Variants in NLGN4Y observed in about 807,000 individuals in gnomAD.
The protein encoded by NLGN4Y is neuroligin 4 Y-linked.
NLGN4Y carries 4 observed loss-of-function variants against 8.4 expected under a neutral mutation model. The observed-to-expected ratio is 0.48, with a 90% CI of 0.23 to 1.09. The LOEUF (loss-of-function observed/expected upper bound fraction) is 1.09, where lower values mean the gene tolerates loss of function less well. Ranked by LOEUF, NLGN4Y falls within the 50% of genes least tolerant of loss-of-function variation. NLGN4Y has a pLI of 0.19. For missense variants in NLGN4Y, 90 were observed against 192.3 expected (o/e 0.47, Z 3.15); for synonymous variants, 35 against 75.6 (o/e 0.46, Z 2.78).
At chrY:14,821,474 A>C (rs781477145) in intron 4 of NLGN4Y, among the ~76,000 whole-genome samples, 28 of 33,684 alleles carry the variant, frequency 8.3e-4, no homozygotes, top group African/African-American at 3.2e-3. Context: ...CTTTTAGGTT[A>C]TTATAGAGTG....
At chrY:14,573,669 G>T (rs2080284249) in intron 1 of NLGN4Y, among the ~76,000 whole-genome samples, 1 of 33,198 alleles carries the variant, frequency 3.0e-5, no homozygotes, top group Non-Finnish European at 7.4e-5. Flanking sequence ...TGCTTTTGTA[G>T]TTCTTTTAAT....
intron 4 of NLGN4Y, among the ~76,000 whole-genome samples, chrY:14,793,087 G>A (rs746863781): frequency 9.3e-5 from 3 of 32,357 alleles, no homozygotes; most frequent in East Asian, 8.0e-4. Flanking sequence ...GGAAATTCAC[G>A]ATCTCTTCTT....
intron 2 of NLGN4Y, among the ~76,000 whole-genome samples, chrY:14,677,714 T>C: frequency 6.2e-5 from 2 of 32,483 alleles, no homozygotes; most frequent in South Asian, 1.4e-3. Context: ...TTTTTGGCCT[T>C]TATTTTTTTA....
intron 2 of NLGN4Y, among the ~76,000 whole-genome samples, chrY:14,696,889 C>A (rs578005557): frequency 2.1e-4 from 7 of 32,609 alleles, no homozygotes; most frequent in Non-Finnish European, 3.7e-4. Flanking sequence ...CCTATCCTCA[C>A]GCATAACAAT....
intron 4 of NLGN4Y, among the ~76,000 whole-genome samples, chrY:14,726,201 T>G: frequency 2.9e-5 from 1 of 33,998 alleles, no homozygotes; most frequent in African/African-American, 1.1e-4. Context: ...TTCTTCAGAC[T>G]TTTAAAAATT....
chrY:14,745,974 AT>A (rs2081022825), intron 4 of NLGN4Y, among the ~76,000 whole-genome samples: 29 of 29,011 alleles, frequency 1.0e-3, no homozygotes, highest in East Asian at 2.7e-3. Flanking sequence ...TCCATTACAC[AT>A]TTTTTTTTTT....
rs199666670 is a variant in NLGN4Y, at chrY:14,616,981, G to A, written c.-111-5028G>A. On this transcript the variant is annotated intron_variant, in intron 1 of 6. Coordinates refer to ENST00000684976, the MANE Select transcript of NLGN4Y (RefSeq NM_001365588.1). ...GTCTGGTTTTTGCAGAGCTGAGTTC[G>A]GTTCCTGGATATCCTTGTTAACCTC... 5.5e-4 allele frequency among the ~76,000 whole-genome samples: 18 copies of A among 32,734 alleles called. No individual in the cohort carries two copies. The East Asian group carries it at 0.014, about 25-fold the overall frequency. 87.8% of individuals were successfully genotyped at this position (32,734 alleles called of 37,273 possible).
chrY:14,673,332 G>GA (rs2080730711), intron 2 of NLGN4Y, among the ~76,000 whole-genome samples: 2 of 31,820 alleles, frequency 6.3e-5, no homozygotes, highest in Admixed American at 5.8e-4. Flanking sequence ...AAATTTACAA[G>GA]AAAAAAACAA....
intron 2 of NLGN4Y, among the ~76,000 whole-genome samples, chrY:14,624,513 A>G: frequency 3.0e-5 from 1 of 33,752 alleles, no homozygotes. Flanking sequence ...TTCCACTTCT[A>G]TTCTTTAGTC....
At chrY:14,659,919 A>G (rs902040573) in intron 2 of NLGN4Y, among the ~76,000 whole-genome samples, 1 of 33,155 alleles carries the variant, frequency 3.0e-5, no homozygotes, top group Non-Finnish European at 7.4e-5. Context: ...CTTGTACTAT[A>G]GGTGCATGCT....
intron 3 of NLGN4Y, among the ~76,000 whole-genome samples, chrY:14,722,796 GGCGGA>G (rs2080939908): frequency 4.1e-4 from 6 of 14,747 alleles, no homozygotes; most frequent in African/African-American, 1.5e-3. Context: ...GAACCCGGGA[GGCGGA>G]GCTTGCAGTG....
chrY:14,711,130 C>G, intron 2 of NLGN4Y, among the ~76,000 whole-genome samples: 1 of 32,695 alleles, frequency 3.1e-5, no homozygotes, highest in Non-Finnish European at 7.4e-5. Flanking sequence ...GGTGAACTCT[C>G]TCAGGTAGTT....
chrY:14,529,941 G>A (rs944424957), intron 1 of NLGN4Y, among the ~76,000 whole-genome samples: 2 of 25,122 alleles, frequency 8.0e-5, no homozygotes. Flanking sequence ...GTGTGTGTGT[G>A]TATATATATA....
chrY:14,636,391 T>A, intron 2 of NLGN4Y, among the ~76,000 whole-genome samples: 2 of 33,787 alleles, frequency 5.9e-5, no homozygotes, highest in African/African-American at 2.3e-4. Flanking sequence ...AATCCTTTCA[T>A]AATTTTATAT....
intron 1 of NLGN4Y, among the ~76,000 whole-genome samples, chrY:14,547,250 T>C: frequency 3.0e-5 from 1 of 33,379 alleles, no homozygotes; most frequent in African/African-American, 1.2e-4. Context: ...CTTGGCCACA[T>C]TGGCTTCTCC....
chrY:14,702,258 C>T, intron 2 of NLGN4Y, among the ~76,000 whole-genome samples: 1 of 32,430 alleles, frequency 3.1e-5, no homozygotes, highest in African/African-American at 1.2e-4. Flanking sequence ...GTGTGCTGCA[C>T]CCATTAACTC....
At chrY:14,658,844 T>G (rs753748670) in intron 2 of NLGN4Y, among the ~76,000 whole-genome samples, 1 of 33,520 alleles carries the variant, frequency 3.0e-5, no homozygotes, top group African/African-American at 1.2e-4. Flanking sequence ...TTAACCCAGT[T>G]AAAAACCGAC....
intron 1 of NLGN4Y, among the ~76,000 whole-genome samples, chrY:14,555,227 A>G (rs1603499547): frequency 6.0e-5 from 2 of 33,373 alleles, no homozygotes; most frequent in Non-Finnish European, 1.5e-4. Context: ...GATTGCTGTA[A>G]GGAAATACAA....
chrY:14,658,167 T>C (rs562199492), intron 2 of NLGN4Y, among the ~76,000 whole-genome samples: 2 of 33,490 alleles, frequency 6.0e-5, no homozygotes, highest in African/African-American at 2.3e-4. Flanking sequence ...TAGGAAATAA[T>C]TTGAGACTGA....
Sources: gnomAD v4.1 joint callset for allele counts (sites outside exome capture counted in the v4.1 genomes callset) on GRCh38, gnomAD v4.1.1 for gene constraint, MANE v1.5 for transcripts, NCBI Gene and HGNC (gene_info 2026-07-23, HGNC 2026-07-21) for gene names.